Variants in DIP2C observed in about 807,000 individuals in gnomAD.
The protein encoded by DIP2C is disco-interacting protein 2 homolog C.
Under a neutral mutation model 192.4 loss-of-function variants are expected in DIP2C, and 33 were observed. The observed-to-expected ratio is 0.17, with a 90% CI of 0.13 to 0.23. DIP2C has a LOEUF of 0.23. DIP2C is among the 10% of genes least tolerant of loss of function. DIP2C has a pLI of 1.00. For missense variants in DIP2C, 1,537 were observed against 2,110.1 expected (o/e 0.73, Z 5.32); for synonymous variants, 979 against 864.1 (o/e 1.13, Z -2.33).
intron 1 of DIP2C, among the ~76,000 whole-genome samples, chr10:602,107 A>G (rs185610120): frequency 3.2e-4 from 48 of 152,148 alleles, no homozygotes; most frequent in African/African-American, 1.1e-3. Flanking sequence ...TGTCTTAACC[A>G]TCACTGTTTA....
intron 31 of DIP2C, among the ~76,000 whole-genome samples, chr10:320,592 A>C (rs1956962641): frequency 6.6e-6 from 1 of 152,000 alleles, no homozygotes; most frequent in Non-Finnish European, 1.5e-5. Context: ...GTGAGATGGC[A>C]CTGGACACTC....
In DIP2C at chr10:538,159, C is replaced by T. The variant is rs184775052; in HGVS notation, c.86-51629G>A. ...TATCCTCTGTGGATAACAAATGCTT[C>T]CCGAGGAGTTTTCTTTGGGACAGGG... is the stretch of plus-strand genomic sequence containing the variant. On this transcript the variant is annotated intron_variant, in intron 1 of 36. Transcript: ENST00000280886. 2.4e-4 allele frequency among the ~76,000 whole-genome samples: 36 copies of T among 152,234 alleles called. 1 individual carries two copies. Among genetic ancestry groups the T allele is most frequent in the Middle Eastern group, 3.4e-3 (1 of 294 alleles).
intron 1 of DIP2C, among the ~76,000 whole-genome samples, chr10:595,694 G>A (rs1851660900): frequency 6.6e-6 from 1 of 152,230 alleles, no homozygotes; most frequent in Non-Finnish European, 1.5e-5. Flanking sequence ...CGCGTCCGCA[G>A]GACCCGCGCC....
chr10:361,101 A>G (rs1377626296), intron 22 of DIP2C, among the ~76,000 whole-genome samples: 1 of 152,238 alleles, frequency 6.6e-6, no homozygotes, highest in Non-Finnish European at 1.5e-5. Flanking sequence ...ATTTGTTAAA[A>G]AGCTTTTTAA....
chr10:412,414 C>A (rs1161197922), intron 8 of DIP2C, among the ~76,000 whole-genome samples: 1 of 152,210 alleles, frequency 6.6e-6, no homozygotes, highest in East Asian at 1.9e-4. Flanking sequence ...AGCTCCAGGG[C>A]TGAATTTGGC....
intron 1 of DIP2C, among the ~76,000 whole-genome samples, chr10:561,386 C>T (rs1036338169): frequency 4.6e-5 from 7 of 152,322 alleles, no homozygotes; most frequent in Non-Finnish European, 8.8e-5. Flanking sequence ...GGGACTCCAA[C>T]CCCTGAAGCA....
rs551538298 is a variant in DIP2C, at chr10:491,818, A to T, written c.86-5288T>A. Among the ~76,000 whole-genome samples, 8 of 152,350 alleles carry T rather than the reference A, an allele frequency of 5.3e-5. No homozygotes were observed. In the South Asian group the frequency reaches 1.7e-3, roughly 32 times the overall value. ...CAATTCATGAGAGACGTCCAAGTTGATGGGAGGACTCATGAACACAGACCT... is the reference window on the plus strand; with the variant it reads ...CAATTCATGAGAGACGTCCAAGTTGTTGGGAGGACTCATGAACACAGACCT... On this transcript the variant is annotated intron_variant, in intron 1 of 36. Coordinates refer to ENST00000280886, the MANE Select transcript of DIP2C (RefSeq NM_014974.3).
intron 9 of DIP2C, among the ~76,000 whole-genome samples, chr10:404,061 C>T (rs1260424852): frequency 5.8e-5 from 8 of 136,916 alleles, no homozygotes; most frequent in Non-Finnish European, 9.4e-5. Context: ...AAGTTTGGTA[C>T]ATTTTCATCA....
chr10:408,915 G>GTTGCA lies in DIP2C; in HGVS notation c.1149+6_1149+10dup, dbSNP rs1964998000. The GTTGCA allele has an allele frequency of 6.2e-7, 1 of 1,613,612 alleles. No individual in the cohort carries two copies. Among genetic ancestry groups the GTTGCA allele is most frequent in the African/African-American group, 1.3e-5 (1 of 74,902 alleles). On this transcript the variant is annotated intron_variant, in intron 9 of 36. Coordinates refer to ENST00000280886, the MANE Select transcript of DIP2C (RefSeq NM_014974.3). ...GTGTTTTGTAGATCCAGCAGTTTAA[G>GTTGCA]TTGCACTTACCCTATCTCCAGGCCG...
Position 422,905 on chromosome 10 carries a change from T to C in DIP2C, c.523A>G (p.Thr175Ala). The C allele has an allele frequency of 6.2e-7, 1 of 1,613,942 alleles. No homozygotes were observed. Among genetic ancestry groups the C allele is most frequent in the Non-Finnish European group, 8.5e-7 (1 of 1,180,030 alleles). Residue 175 changes from threonine to alanine, a missense_variant, in exon 5 of 37, where the codon ACC becomes GCC. Physicochemically the swap from Thr to Ala is moderately conservative, Grantham distance 58 (BLOSUM62 0). Coordinates refer to ENST00000280886, the MANE Select transcript of DIP2C (RefSeq NM_014974.3). ...SQAIHGSTTS[T>A]TSSSSTQSGG... ...CTCTGCGTAGAGGACGAGGAGGTGGTGGACGTGGTGGAGCCGTGGATGGCC... is the reference window on the plus strand; with the variant it reads ...CTCTGCGTAGAGGACGAGGAGGTGGCGGACGTGGTGGAGCCGTGGATGGCC...
intron 1 of DIP2C, among the ~76,000 whole-genome samples, chr10:554,643 A>G (rs982525444): frequency 2.6e-5 from 4 of 152,194 alleles, no homozygotes; most frequent in Admixed American, 2.6e-4. Flanking sequence ...TTCCCAGATG[A>G]GGGGCAGAGG....
intron 19 of DIP2C, among the ~76,000 whole-genome samples, chr10:365,828 A>C (rs1589618655): frequency 6.6e-6 from 1 of 152,108 alleles, no homozygotes; most frequent in Non-Finnish European, 1.5e-5. Flanking sequence ...ACAGGTTCAT[A>C]CCTGGCCACA....
intron 32 of DIP2C, among the ~76,000 whole-genome samples, chr10:309,237 C>T (rs1465985125): frequency 1.3e-5 from 2 of 152,108 alleles, no homozygotes; most frequent in South Asian, 2.1e-4. Context: ...AAGGGCTTCT[C>T]ATCCTGCTCA....
chr10:332,639 C>T (rs1282007155), intron 29 of DIP2C, among the ~76,000 whole-genome samples: 1 of 152,184 alleles, frequency 6.6e-6, no homozygotes, highest in Non-Finnish European at 1.5e-5. Flanking sequence ...ATGTTGGGAA[C>T]CTGAGCTGTT....
intron 3 of DIP2C, among the ~76,000 whole-genome samples, chr10:442,628 C>T (rs1967840554): frequency 6.6e-6 from 1 of 152,190 alleles, no homozygotes; most frequent in African/African-American, 2.4e-5. Context: ...CCAACTGCTC[C>T]TATCTTACAC....
At chr10:448,000 C>A (rs1386371535) in intron 3 of DIP2C, among the ~76,000 whole-genome samples, 1 of 128,154 alleles carries the variant, frequency 7.8e-6, no homozygotes, top group Non-Finnish European at 1.6e-5. Flanking sequence ...CACAGTGGGG[C>A]AGCAGGACCC....
chr10:609,337 C>T (rs544175058), intron 1 of DIP2C, among the ~76,000 whole-genome samples: 9 of 152,162 alleles, frequency 5.9e-5, no homozygotes, highest in Non-Finnish European at 1.0e-4. Context: ...CTGTCAGAAA[C>T]TTTTTCTCAA....
At chr10:548,038 G>A (rs951616502) in intron 1 of DIP2C, among the ~76,000 whole-genome samples, 1 of 152,170 alleles carries the variant, frequency 6.6e-6, no homozygotes, top group Non-Finnish European at 1.5e-5. Flanking sequence ...AAAGCAGTCT[G>A]CAATGCTTCA....
intron 1 of DIP2C, among the ~76,000 whole-genome samples, chr10:509,764 GGA>G (rs1845885221): frequency 6.6e-6 from 1 of 152,174 alleles, no homozygotes; most frequent in Non-Finnish European, 1.5e-5. Flanking sequence ...AGAGCAGCTT[GGA>G]GAGGACGGGG....
Sources: gnomAD v4.1 joint callset for allele counts (sites outside exome capture counted in the v4.1 genomes callset) on GRCh38, gnomAD v4.1.1 for gene constraint, MANE v1.5 for transcripts, NCBI Gene and HGNC (gene_info 2026-07-23, HGNC 2026-07-21) for gene names.